The following CFAP74 variants were observed in gnomAD, a reference collection of about 807,000 sequenced individuals.
CFAP74 encodes cilia and flagella associated protein 74.
Under a neutral mutation model 188.9 loss-of-function variants are expected in CFAP74, and 124 were observed. The observed-to-expected ratio is 0.66, with a 90% CI of 0.57 to 0.76. The LOEUF (loss-of-function observed/expected upper bound fraction) is 0.76. Among genes scored for constraint, CFAP74 ranks in the 30% least tolerant of loss-of-function variants. The probability of loss-of-function intolerance (pLI) is 0.00; values close to 1 mark genes in which losing one functional copy is unlikely to be tolerated. For missense variants in CFAP74, 2,198 were observed against 2,165.2 expected, an observed-to-expected ratio of 1.02 and a Z score of -0.30; for synonymous variants, 956 against 916.7, an observed-to-expected ratio of 1.04 and a Z score of -0.77.
In CFAP74 at chr1:1,968,528, CATGGTGCT is replaced by C; in HGVS notation, c.1245+99_1245+106del. On this transcript the variant is annotated intron_variant, in intron 11 of 38. Coordinates refer to ENST00000682832, the MANE Select transcript of CFAP74 (RefSeq NM_001304360.2). This position sits in a 1 kb window ranked among gnomAD's most constrained non-coding sequence, Gnocchi z 4.3. ...GGCTCAGCAACCCCCTGCAGGTGGC[CATGGTGCT>C]GAGGTCCTCAGAGGATGTCTCACCA... The C allele has an allele frequency of 1.1e-6, 1 of 930,328 alleles. No homozygotes were observed. 57.6% of individuals were successfully genotyped at this position (930,328 alleles called of 1,614,324 possible). A position where few individuals can be genotyped will look rare whatever the true frequency, so the allele number is the denominator to read the frequency against.
intron 16 of CFAP74, among the ~76,000 whole-genome samples, chr1:1,957,047 C>A (rs964702226): frequency 2.6e-5 from 4 of 152,244 alleles, no homozygotes; most frequent in Non-Finnish European, 5.9e-5. Context: ...GGACGCAGGG[C>A]CCGGATGCAG....
At position 1,922,182 on chromosome 1, in the gene CFAP74, A is replaced by C; in HGVS notation, c.*105T>G. The C allele has an allele frequency of 1.5e-6, 1 of 652,220 alleles. No individual in the cohort carries two copies. The highest frequency in any genetic ancestry group is 2.6e-6 in the Non-Finnish European group (1 of 391,018). The allele number at this position is 652,220 out of a possible 1,614,324, so 40.4% of individuals were successfully genotyped here. On this transcript the variant is annotated 3_prime_UTR_variant, in exon 39 of 39. Transcript: ENST00000682832. Reference sequence around the variant, plus strand: ...GGAGGGCGGCCTATTGGAATCTGGCAGAGGATGGCCAGGTCCCAGGCTCTA... The same window carrying C: ...GGAGGGCGGCCTATTGGAATCTGGCCGAGGATGGCCAGGTCCCAGGCTCTA...
At chr1:1,963,959 G>A in intron 13 of CFAP74, 92 bp from the exon 14 acceptor site, 1 of 814,326 alleles carries the variant, frequency 1.2e-6, no homozygotes, top group Non-Finnish European at 2.1e-6. Context: ...AACCGCTGGT[G>A]AGCATTTGCC....
intron 25 of CFAP74, among the ~76,000 whole-genome samples, chr1:1,933,215 C>T (rs1191889282): frequency 6.2e-5 from 7 of 113,234 alleles, no homozygotes; most frequent in Admixed American, 4.0e-4. Flanking sequence ...AATGGAGTCT[C>T]GCTCTGTCGC....
intron 27 of CFAP74, 128 bp from the exon 28 acceptor site, chr1:1,927,874 A>G: frequency 9.2e-7 from 1 of 1,090,726 alleles, no homozygotes; most frequent in Non-Finnish European, 1.3e-6. Context: ...TGGGGACGCA[A>G]AAGCCGACCG....
At position 1,970,689 on chromosome 1, in the gene CFAP74, C is replaced by T. The variant is rs780424438; in HGVS notation, c.1016G>A (p.Arg339His). Residue 339 changes from arginine (R) to histidine (H), a missense_variant, in exon 10 of 39, where the codon CGC (arginine) becomes CAC (histidine). Arg to His is a conservative substitution (Grantham distance 29). Transcript: ENST00000682832. ...CTGGGCCTCCAGCTCCTGGCGCCGG[C>T]GCTGGTGGACAAGGTGCCTGAATGC... Reference protein sequence around the residue: ...RDAFRHLVHQRRRQELEAQKR... With the variant: ...RDAFRHLVHQHRRQELEAQKR... 1.9e-5 allele frequency: 31 copies of T among 1,612,650 alleles called. No individual in the cohort carries two copies. Among genetic ancestry groups the T allele is most frequent in the Non-Finnish European group, 2.5e-5 (29 of 1,179,458 alleles).
rs1369774383 is a variant in CFAP74 at position 1,931,248 on chromosome 1, T to C, written c.3012-912A>G. ...ATCGAGACCATCCCGGCTAACACGG[T>C]GAAACCCCGTCTCTACTAAAAATAC... is the stretch of plus-strand genomic sequence containing the variant. On this transcript the variant is annotated intron_variant, in intron 25 of 38. Transcript: ENST00000682832. Among the ~76,000 whole-genome samples the C allele has an allele frequency of 0.012, 1,462 of 122,134 alleles. No homozygotes were observed. In the Middle Eastern group the frequency reaches 0.13, roughly 11 times the overall value. The allele number at this position is 122,134 out of a possible 152,430, so 80.1% of individuals were successfully genotyped here.
chr1:1,922,464 C>T, intron 38 of CFAP74, 76 bp from the exon 39 acceptor site: 2 of 1,539,386 alleles, frequency 1.3e-6, no homozygotes, highest in Non-Finnish European at 1.8e-6. Context: ...TTCCCACTGC[C>T]CTGCCCACCT....
rs2803295 is a variant in CFAP74 at position 1,930,143 on chromosome 1, C to T, written c.3205G>A (p.Gly1069Arg). 724,825 of 1,535,214 alleles carry T rather than the reference C, an allele frequency of 0.47. 178,270 individuals are homozygous for T. The highest frequency in any genetic ancestry group is 0.54 in the Admixed American group (27,694 of 50,956). ...AGCAGGAACTCGAAAGACGTGGGCC[C>T]CATGGGAGAGGCGTCCTCTGAGCCA... The part of the protein sequence containing the change: ...RIGSEDASPM[G>R]PTSFEFLLPP... Residue 1069 changes from glycine (G) to arginine (R), a missense_variant, in exon 26 of 39, where the codon GGG becomes AGG. Physicochemically the swap from Gly to Arg is moderately radical, Grantham distance 125 (BLOSUM62 -2). Coordinates refer to ENST00000682832, the MANE Select transcript of CFAP74 (RefSeq NM_001304360.2).
chr1:1,973,170 C>G lies in CFAP74; in HGVS notation c.675-123G>C. The stretch of plus-strand genomic sequence containing the variant: ...TGGGCCCTTTCGCTCAGCTCTGTCC[C>G]GCACAGCCTCCCTTGGGGAGGAGCG... On this transcript the variant is annotated intron_variant, in intron 7 of 38. Transcript: ENST00000682832. This position sits in a 1 kb window ranked among gnomAD's most constrained non-coding sequence, Gnocchi z 6.2. 1.5e-6 allele frequency: 1 copy of G among 667,798 alleles called. No individual in the cohort carries two copies. The highest frequency in any genetic ancestry group is 2.6e-6 in the Non-Finnish European group (1 of 390,024). The allele number at this position is 667,798 out of a possible 1,614,324, so 41.4% of individuals were successfully genotyped here. A position where few individuals can be genotyped will look rare whatever the true frequency, so the allele number is the denominator to read the frequency against.
At chr1:1,976,877 G>T (rs981581898) in intron 6 of CFAP74, among the ~76,000 whole-genome samples, 1 of 142,386 alleles carries the variant, frequency 7.0e-6, no homozygotes, top group African/African-American at 2.5e-5. Context: ...AGACAGTCTC[G>T]CTCTGTTGCC....
At chr1:2,003,451 T>A (rs1160468583) in intron 1 of CFAP74, among the ~76,000 whole-genome samples, 1 of 152,212 alleles carries the variant, frequency 6.6e-6, no homozygotes, top group Non-Finnish European at 1.5e-5. Context: ...TTAATGTTTT[T>A]GTAAATGTGT....
chr1:1,945,472 A>G (rs1205361306), intron 20 of CFAP74, among the ~76,000 whole-genome samples: 1 of 152,194 alleles, frequency 6.6e-6, no homozygotes, highest in Non-Finnish European at 1.5e-5. Context: ...AACCTGGGAC[A>G]GGCAACCGCC....
intron 5 of CFAP74, among the ~76,000 whole-genome samples, chr1:1,985,805 G>A (rs1040560693): frequency 6.6e-6 from 1 of 152,224 alleles, no homozygotes; most frequent in African/African-American, 2.4e-5. Flanking sequence ...GACCCAGCAC[G>A]TGCGACAAGC....
chr1:1,987,594 T>C (rs1293443819), intron 4 of CFAP74, among the ~76,000 whole-genome samples: 1 of 150,858 alleles, frequency 6.6e-6, no homozygotes, highest in Non-Finnish European at 1.5e-5. Context: ...CAGGCTGGAG[T>C]GCAGTGGCGC....
chr1:1,978,023 A>AT (rs768668548), intron 6 of CFAP74, among the ~76,000 whole-genome samples: 2 of 152,096 alleles, frequency 1.3e-5, no homozygotes, highest in African/African-American at 4.8e-5. Flanking sequence ...TAAGTTTGGT[A>AT]TTTTTTGTAC....
At chr1:1,970,582 G>A in intron 10 of CFAP74, 77 bp downstream of exon 10, 1 of 1,475,998 alleles carries the variant, frequency 6.8e-7, no homozygotes, top group South Asian at 1.3e-5. Context: ...TCAATGTGAA[G>A]CCGAACCCCC....
chr1:1,990,875 A>C lies in CFAP74; in HGVS notation c.67+15T>G, dbSNP rs1657527498. The stretch of plus-strand genomic sequence containing the variant: ...TTTGCTGAAACTTCCGTTACTGTGA[A>C]AGAAGCTTTATTACCATCTTCCAAA... On this transcript the variant is annotated intron_variant, in intron 2 of 38. Transcript: ENST00000682832. 2 of 1,605,400 alleles carry C rather than the reference A, an allele frequency of 1.2e-6. No individual in the cohort carries two copies. Among genetic ancestry groups the C allele is most frequent in the East Asian group, 4.5e-5 (2 of 44,818 alleles).
In CFAP74 at chr1:1,946,548, G is replaced by A. The variant is rs1483017743; in HGVS notation, c.2242-109C>T. ...GCAAGGATGGAAGGTGGCAGGACCC[G>A]TGTCCCTGGGTGGCCACTTGGCCAC... is the stretch of plus-strand genomic sequence containing the variant. On this transcript the variant is annotated intron_variant, in intron 19 of 38. Coordinates refer to ENST00000682832, the MANE Select transcript of CFAP74 (RefSeq NM_001304360.2). 13 of 1,350,912 alleles carry A rather than the reference G, an allele frequency of 9.6e-6. No homozygotes were observed. In the East Asian group the frequency reaches 1.3e-4, roughly 13 times the overall value. 83.7% of individuals were successfully genotyped at this position (1,350,912 alleles called of 1,614,324 possible).
Sources: allele counts gnomAD v4.1 joint callset (sites outside exome capture counted in the v4.1 genomes callset), GRCh38; gene constraint gnomAD v4.1.1; non-coding constraint Gnocchi (gnomAD v3.1); transcripts MANE v1.5; gene names NCBI Gene and HGNC (gene_info 2026-07-23, HGNC 2026-07-21).